The following SBF2 variants were observed in gnomAD, a reference collection of about 807,000 sequenced individuals.
The protein encoded by SBF2 is myotubularin-related protein 13.
Under a neutral mutation model 225.2 loss-of-function variants are expected in SBF2, and 112 were observed. The ratio of observed to expected loss-of-function variants is 0.50; its 90% CI spans 0.43 to 0.58. The LOEUF (loss-of-function observed/expected upper bound fraction) is 0.58, where lower values mean the gene tolerates loss of function less well. Ranked by LOEUF, SBF2 falls within the 20% of genes least tolerant of loss-of-function variation. The pLI is 0.00. For missense variants in SBF2, 1,996 were observed against 2,206.2 expected, an observed-to-expected ratio of 0.90 and a Z score of 1.91; for synonymous variants, 763 against 773.3, an observed-to-expected ratio of 0.99 and a Z score of 0.22.
At chr11:10,245,986 C>T (rs114443718) in intron 1 of SBF2, among the ~76,000 whole-genome samples, 3,303 of 152,138 alleles carry the variant, frequency 0.022, 90 homozygotes, top group African/African-American at 0.066. Flanking sequence ...GGGTGGAGAA[C>T]TGGGGAGGTA....
chr11:10,280,886 T>C (rs1409558176), intron 1 of SBF2, among the ~76,000 whole-genome samples: 1 of 152,156 alleles, frequency 6.6e-6, no homozygotes, highest in Non-Finnish European at 1.5e-5. Flanking sequence ...TACCCAAAAA[T>C]TGGACAGATA....
chr11:9,871,787 G>A (rs766140502), intron 17 of SBF2, among the ~76,000 whole-genome samples: 36 of 151,976 alleles, frequency 2.4e-4, no homozygotes, highest in Non-Finnish European at 2.2e-4. Context: ...CACCGTGCCC[G>A]GCCAGGATGA....
upstream of SBF2, among the ~76,000 whole-genome samples, chr11:10,297,334 A>G (rs964791895): frequency 2.0e-5 from 3 of 152,172 alleles, no homozygotes; most frequent in African/African-American, 7.2e-5. Flanking sequence ...TACTAGGATT[A>G]GAGGCATGAG....
intron 1 of SBF2, among the ~76,000 whole-genome samples, chr11:10,247,634 G>A (rs1054114851): frequency 6.6e-6 from 1 of 152,064 alleles, no homozygotes; most frequent in Non-Finnish European, 1.5e-5. Context: ...GGCAGAGATT[G>A]CAGTGAGCCA....
At chr11:9,998,491 CTT>C (rs1947807767) in intron 8 of SBF2, 112 bp from the exon 9 acceptor site, 5 of 663,174 alleles carry the variant, frequency 7.5e-6, no homozygotes, top group Admixed American at 2.4e-5. Flanking sequence ...GGAAGAGACT[CTT>C]GTTTGTCCAT....
At chr11:9,821,732 G>A (rs914220946) in intron 28 of SBF2, among the ~76,000 whole-genome samples, 36 of 152,250 alleles carry the variant, frequency 2.4e-4, no homozygotes, top group African/African-American at 8.2e-4. Flanking sequence ...AATGAGCACT[G>A]CATGTGGTAC....
chr11:10,202,512 G>A (rs1268720710), intron 1 of SBF2, among the ~76,000 whole-genome samples: 6 of 152,168 alleles, frequency 3.9e-5, no homozygotes, highest in Non-Finnish European at 7.3e-5. Flanking sequence ...CTGGCCGAGC[G>A]AGGGGGCTCA....
intron 34 of SBF2, among the ~76,000 whole-genome samples, chr11:9,790,080 C>G (rs539282533): frequency 1.1e-4 from 16 of 152,240 alleles, no homozygotes; most frequent in Admixed American, 4.6e-4. Flanking sequence ...CATTCCAGGG[C>G]GTGTGTTATG....
intron 16 of SBF2, among the ~76,000 whole-genome samples, chr11:9,901,562 T>C (rs1218949315): frequency 6.6e-6 from 1 of 152,204 alleles, no homozygotes; most frequent in Non-Finnish European, 1.5e-5. Flanking sequence ...GGCAATAAGA[T>C]ACCAGATTAT....
intron 19 of SBF2, among the ~76,000 whole-genome samples, chr11:9,854,406 T>C (rs1857170459): frequency 6.6e-6 from 1 of 152,172 alleles, no homozygotes; most frequent in Admixed American, 6.5e-5. Flanking sequence ...GTTCAACCCA[T>C]CAGACTCTGG....
chr11:9,831,089 C>T lies in SBF2; in HGVS notation c.3652+1135G>A, dbSNP rs577343491. 2.0e-5 allele frequency among the ~76,000 whole-genome samples: 3 copies of T among 152,298 alleles called. No homozygotes were observed. The East Asian group carries it at 5.8e-4, about 29-fold the overall frequency. ...TCGTGGCTCACTATAGCCTTTACCTCATGGGCTCAAGTGATTCTCCCACCT... is the reference window on the plus strand; with the variant it reads ...TCGTGGCTCACTATAGCCTTTACCTTATGGGCTCAAGTGATTCTCCCACCT... On this transcript the variant is annotated intron_variant, in intron 27 of 39. Coordinates refer to ENST00000256190, the MANE Select transcript of SBF2 (RefSeq NM_030962.4).
intron 1 of SBF2, among the ~76,000 whole-genome samples, chr11:10,249,103 A>C (rs1454873837): frequency 6.6e-6 from 1 of 152,166 alleles, no homozygotes; most frequent in Non-Finnish European, 1.5e-5. Context: ...CTCAACAAAA[A>C]AAAAAAAGAA....
chr11:10,031,113 C>T lies in SBF2; in HGVS notation c.337G>A (p.Ala113Thr), dbSNP rs1227659714. 2 of 1,613,548 alleles carry T rather than the reference C, an allele frequency of 1.2e-6. No homozygotes were observed. The highest frequency in any genetic ancestry group is 1.7e-6 in the Non-Finnish European group (2 of 1,179,622). The part of the protein sequence containing the change: ...EAKVSGLIQP[A>T]EVFAPKSLVL... ...AGGCTTTTGGGAGCAAACACTTCTGCAGGCTGAATTAAACCAGACACTTTT... is the reference window on the plus strand; with the variant it reads ...AGGCTTTTGGGAGCAAACACTTCTGTAGGCTGAATTAAACCAGACACTTTT... The change falls in exon 4 of 40, where the codon GCA (alanine) becomes ACA (threonine). Residue 113 changes from alanine (A) to threonine (T), a missense_variant. Ala to Thr is a moderately conservative substitution (Grantham distance 58). Transcript: ENST00000256190.
At chr11:10,253,276 T>A (rs192816843) in intron 1 of SBF2, among the ~76,000 whole-genome samples, 1 of 151,744 alleles carries the variant, frequency 6.6e-6, no homozygotes, top group Non-Finnish European at 1.5e-5. Context: ...TGTGCATATA[T>A]AATATAATGA....
At chr11:9,902,616 C>G (rs1861807429) in intron 16 of SBF2, among the ~76,000 whole-genome samples, 1 of 152,102 alleles carries the variant, frequency 6.6e-6, no homozygotes, top group South Asian at 2.1e-4. Flanking sequence ...TGACAATAAT[C>G]CTGGGATCTC....
chr11:10,156,082 A>C (rs1955462142), intron 2 of SBF2, among the ~76,000 whole-genome samples: 1 of 152,204 alleles, frequency 6.6e-6, no homozygotes, highest in South Asian at 2.1e-4. Context: ...TCGGAAGCCC[A>C]GGAAGCCCCC....
At chr11:9,975,012 T>G (rs1291856513) in intron 13 of SBF2, among the ~76,000 whole-genome samples, 2 of 95,072 alleles carry the variant, frequency 2.1e-5, no homozygotes, top group African/African-American at 4.0e-5. Flanking sequence ...CAACTGACAA[T>G]ACCAAGTGTT....
chr11:9,797,456 G>A (rs1564862229), intron 32 of SBF2, among the ~76,000 whole-genome samples: 1 of 152,198 alleles, frequency 6.6e-6, no homozygotes, highest in Non-Finnish European at 1.5e-5. Context: ...TGCAAACCAC[G>A]GAACTGCTTC....
chr11:10,223,399 T>A (rs930707031), intron 1 of SBF2, among the ~76,000 whole-genome samples: 4 of 59,278 alleles, frequency 6.7e-5, no homozygotes, highest in African/African-American at 1.2e-4. Context: ...ATTTTGCACA[T>A]TATATATATA....
Sources: gnomAD v4.1 joint callset for allele counts (sites outside exome capture counted in the v4.1 genomes callset) on GRCh38, gnomAD v4.1.1 for gene constraint, MANE v1.5 for transcripts, NCBI Gene and HGNC (gene_info 2026-07-23, HGNC 2026-07-21) for gene names.